The following AIG1 variants were observed in gnomAD, a reference collection of about 807,000 sequenced individuals.
AIG1 encodes androgen-induced gene 1 protein.
A neutral mutation model predicts 31.4 loss-of-function variants in AIG1; 23 were observed. The ratio of observed to expected loss-of-function variants is 0.73; its 90% CI spans 0.53 to 1.04. The LOEUF (loss-of-function observed/expected upper bound fraction) is 1.04, where lower values mean the gene tolerates loss of function less well. AIG1 is among the 50% of genes least tolerant of loss of function. The pLI is 0.00. For synonymous variants in AIG1, 100 were observed against 110.5 expected (o/e 0.90, Z 0.60); for missense variants, 274 against 295.0 (o/e 0.93, Z 0.52).
At position 143,306,714 on chromosome 6, in the gene AIG1, G is replaced by A. The variant is rs1482798995; in HGVS notation, c.515+22489G>A. 1.1e-4 allele frequency among the ~76,000 whole-genome samples: 16 copies of A among 151,668 alleles called. 1 individual carries two copies. The highest frequency in any genetic ancestry group is 4.2e-4 in the South Asian group (2 of 4,782). On this transcript the variant is annotated intron_variant, in intron 4 of 5. Transcript: ENST00000357847. ...TCTTCTCGAGGAGTATCTTTGTGGC[G>A]TTCTCTGTATTTCCTGAATCTGAAC... is the stretch of plus-strand genomic sequence containing the variant.
chr6:143,136,501 A>G (rs1465215675), intron 1 of AIG1, among the ~76,000 whole-genome samples: 3 of 152,228 alleles, frequency 2.0e-5, no homozygotes, highest in African/African-American at 4.8e-5. Context: ...AGAAGAAACC[A>G]TGACAAACCA....
intron 1 of AIG1, among the ~76,000 whole-genome samples, chr6:143,106,219 C>T (rs530974205): frequency 1.3e-5 from 2 of 152,166 alleles, no homozygotes; most frequent in South Asian, 2.1e-4. Flanking sequence ...GTGAGCATGA[C>T]GGCAGAGATG....
chr6:143,125,220 A>G (rs1782594493), intron 1 of AIG1, among the ~76,000 whole-genome samples: 1 of 152,212 alleles, frequency 6.6e-6, no homozygotes, highest in African/African-American at 2.4e-5. Flanking sequence ...TCAAAGATGC[A>G]ACATCTTTTT....
chr6:143,269,551 C>A (rs1274229755), intron 3 of AIG1, among the ~76,000 whole-genome samples: 1 of 152,170 alleles, frequency 6.6e-6, no homozygotes, highest in South Asian at 2.1e-4. Flanking sequence ...TTGCCAAATG[C>A]ACCAAACTGG....
intron 1 of AIG1, among the ~76,000 whole-genome samples, chr6:143,122,731 G>A (rs1258160902): frequency 2.6e-5 from 4 of 151,890 alleles, no homozygotes; most frequent in African/African-American, 9.7e-5. Flanking sequence ...TCATCCACCT[G>A]GGAGCTTACT....
chr6:143,335,962 CAGAA>C (rs1777458954), intron 5 of AIG1, among the ~76,000 whole-genome samples: 1 of 131,508 alleles, frequency 7.6e-6, no homozygotes, highest in South Asian at 2.5e-4. Flanking sequence ...AAAAAAAAAA[CAGAA>C]AGAAAAGAAA....
At chr6:143,176,617 A>G (rs1209650166) in intron 3 of AIG1, among the ~76,000 whole-genome samples, 1 of 152,166 alleles carries the variant, frequency 6.6e-6, no homozygotes, top group Non-Finnish European at 1.5e-5. Flanking sequence ...ACAGGTCACC[A>G]GGGAAGTGAG....
At chr6:143,314,184 TAAAA>T (rs35691634) in intron 4 of AIG1, among the ~76,000 whole-genome samples, 13,731 of 90,294 alleles carry the variant, frequency 0.15, 929 homozygotes, top group South Asian at 0.19. Context: ...ACCCATCTCT[TAAAA>T]AAAAAAAAAA....
intron 3 of AIG1, among the ~76,000 whole-genome samples, chr6:143,191,307 A>T (rs1358432958): frequency 6.6e-6 from 1 of 152,162 alleles, no homozygotes; most frequent in East Asian, 1.9e-4. Flanking sequence ...TTAATATAAG[A>T]TTAAAAGCAT....
At position 143,325,244 on chromosome 6, in the gene AIG1, C is replaced by T. The variant is rs1344438261; in HGVS notation, c.516-8038C>T. Among the ~76,000 whole-genome samples, 1 of 152,172 alleles carries T rather than the reference C, an allele frequency of 6.6e-6. No individual in the cohort carries two copies. Among genetic ancestry groups the T allele is most frequent in the Non-Finnish European group, 1.5e-5 (1 of 68,032 alleles). ...CATCTTTCTTGATCTCCTTTTTAGGCTCATCATCCTTGACCTTATCCCTTA... is the reference window on the plus strand; with the variant it reads ...CATCTTTCTTGATCTCCTTTTTAGGTTCATCATCCTTGACCTTATCCCTTA... On this transcript the variant is annotated intron_variant, in intron 4 of 5. Coordinates refer to ENST00000357847, the MANE Select transcript of AIG1 (RefSeq NM_016108.4). The surrounding 1 kb of genome is among the most constrained non-coding windows in gnomAD (Gnocchi z 4.3).
At chr6:143,204,003 A>G (rs1254165318) in intron 3 of AIG1, among the ~76,000 whole-genome samples, 1 of 152,192 alleles carries the variant, frequency 6.6e-6, no homozygotes, top group Admixed American at 6.5e-5. Context: ...ATTGTATAAC[A>G]TGGTGGGACT....
chr6:143,276,405 C>T lies in AIG1; in HGVS notation c.400-7705C>T, dbSNP rs140552960. 2.6e-5 allele frequency among the ~76,000 whole-genome samples: 4 copies of T among 152,244 alleles called. No individual in the cohort carries two copies. The East Asian group carries it at 7.7e-4, about 29-fold the overall frequency. The stretch of plus-strand genomic sequence containing the variant: ...TTCTGTCTGAACCTGAGTTTTTCAC[C>T]TTGGGTCACTGTTTCTAACCTCATT... On this transcript the variant is annotated intron_variant, in intron 3 of 5. Coordinates refer to ENST00000357847, the MANE Select transcript of AIG1 (RefSeq NM_016108.4).
chr6:143,215,430 C>T lies in AIG1; in HGVS notation c.399+50247C>T, dbSNP rs200429930. ...ATGTGGCCACCAACAATAAAACACA[C>T]AAACAAAAAACAGTATTTTCCAGTG... On this transcript the variant is annotated intron_variant, in intron 3 of 5. Coordinates refer to ENST00000357847, the MANE Select transcript of AIG1 (RefSeq NM_016108.4). Among the ~76,000 whole-genome samples, 5 of 152,018 alleles carry T rather than the reference C, an allele frequency of 3.3e-5. No homozygotes were observed. The East Asian group carries it at 7.7e-4, about 23-fold the overall frequency.
intron 2 of AIG1, among the ~76,000 whole-genome samples, chr6:143,142,503 C>G (rs1305531962): frequency 3.9e-5 from 6 of 152,228 alleles, no homozygotes; most frequent in Admixed American, 2.0e-4. Flanking sequence ...TTTGGTTGCT[C>G]TAGCCCCAGT....
chr6:143,273,572 C>G (rs1264010721), intron 3 of AIG1, among the ~76,000 whole-genome samples: 1 of 152,100 alleles, frequency 6.6e-6, no homozygotes, highest in African/African-American at 2.4e-5. Flanking sequence ...AAAGACATAC[C>G]TGAGACTGGG....
At chr6:143,296,655 ATC>A (rs1480677745) in intron 4 of AIG1, among the ~76,000 whole-genome samples, 1 of 152,218 alleles carries the variant, frequency 6.6e-6, no homozygotes, top group Non-Finnish European at 1.5e-5. Context: ...ATGAAGAGTT[ATC>A]TGTGCCAGAG....
intron 4 of AIG1, among the ~76,000 whole-genome samples, chr6:143,319,435 A>G (rs1350982081): frequency 6.6e-6 from 1 of 152,162 alleles, no homozygotes; most frequent in Non-Finnish European, 1.5e-5. Context: ...TGACGACACA[A>G]AGGCATAAGA....
chr6:143,287,737 T>TA lies in AIG1; in HGVS notation c.515+3539dup, dbSNP rs59551903. Among the ~76,000 whole-genome samples, 471 of 78,040 alleles carry TA rather than the reference T, an allele frequency of 6.0e-3. 22 individuals are homozygous for TA. Among genetic ancestry groups the TA allele is most frequent in the Non-Finnish European group, 6.2e-3 (256 of 41,576 alleles). The allele number at this position is 78,040 out of a possible 152,430, so 51.2% of individuals were successfully genotyped here. Reference sequence around the variant, plus strand: ...CCCATAGAACAATGCCTGACTACAGTAAAAAAAAAAAAAAAAAAAAAAAAA... The same window carrying TA: ...CCCATAGAACAATGCCTGACTACAGTAAAAAAAAAAAAAAAAAAAAAAAAAA... On this transcript the variant is annotated intron_variant, in intron 4 of 5. Transcript: ENST00000357847.
intron 3 of AIG1, among the ~76,000 whole-genome samples, chr6:143,229,788 A>C (rs996279068): frequency 6.8e-6 from 1 of 147,178 alleles, no homozygotes. Context: ...TCAGAACAAA[A>C]AAAAAAAAAA....
Sources: allele counts gnomAD v4.1 joint callset (sites outside exome capture counted in the v4.1 genomes callset), GRCh38; gene constraint gnomAD v4.1.1; non-coding constraint Gnocchi (gnomAD v3.1); transcripts MANE v1.5; gene names NCBI Gene and HGNC (gene_info 2026-07-23, HGNC 2026-07-21).